Variants in FAAH2 observed in about 807,000 individuals in gnomAD.
The protein encoded by FAAH2 is fatty acid amide hydrolase 2, also known as fatty-acid amide hydrolase 2.
Under a neutral mutation model 36.9 loss-of-function variants are expected in FAAH2, and 60 were observed. The ratio of observed to expected loss-of-function variants is 1.63; its 90% CI spans 1.32 to 2.02. The LOEUF (loss-of-function observed/expected upper bound fraction) is 2.02, where lower values mean the gene tolerates loss of function less well. Among genes scored for constraint, FAAH2 ranks in the 30% most tolerant of loss-of-function variants. FAAH2 has a pLI of 0.00. For synonymous variants in FAAH2, 214 were observed against 143.8 expected (o/e 1.49, Z -3.49); for missense variants, 689 against 397.5 (o/e 1.73, Z -6.23).
At chrX:57,215,079 C>A in the FAAH2 span, among the ~76,000 whole-genome samples, 2 of 101,838 alleles carry the variant, frequency 2.0e-5, no homozygotes, top group Admixed American at 2.2e-4. Context: ...GGTCTAATAT[C>A]CAAAATTTAC....
intron 5 of FAAH2, among the ~76,000 whole-genome samples, chrX:57,377,139 G>A (rs1438815629): frequency 8.9e-6 from 1 of 112,174 alleles, no homozygotes; most frequent in Admixed American, 9.4e-5. Flanking sequence ...TTGCTGTGCA[G>A]AAGCTCTTTA....
At chrX:57,456,935 A>G (rs2056873838) in intron 10 of FAAH2, among the ~76,000 whole-genome samples, 1 of 111,847 alleles carries the variant, frequency 8.9e-6, no homozygotes, top group Non-Finnish European at 1.9e-5. Flanking sequence ...TCCCTAATGC[A>G]TTCTATGAAT....
intron 3 of FAAH2, among the ~76,000 whole-genome samples, chrX:57,311,038 AG>A (rs2052677774): frequency 8.9e-6 from 1 of 112,264 alleles, no homozygotes; most frequent in Non-Finnish European, 1.9e-5. Flanking sequence ...ACCCTAAAGT[AG>A]TTAGGCTAAA....
At chrX:57,161,744 C>G in the FAAH2 span, among the ~76,000 whole-genome samples, 2 of 111,628 alleles carry the variant, frequency 1.8e-5, no homozygotes, top group Non-Finnish European at 3.8e-5. Context: ...TATTTTGAGC[C>G]TATGTGTGTC....
the FAAH2 span, among the ~76,000 whole-genome samples, chrX:57,260,469 G>A: frequency 8.9e-6 from 1 of 112,061 alleles, no homozygotes; most frequent in Non-Finnish European, 1.9e-5. Flanking sequence ...AGAAACGATA[G>A]TAAAATTTTT....
chrX:57,401,715 A>G (rs2055440531), intron 7 of FAAH2, among the ~76,000 whole-genome samples: 1 of 110,829 alleles, frequency 9.0e-6, no homozygotes, highest in African/African-American at 3.3e-5. Context: ...CTTTAGTTTA[A>G]CTTGAACAGG....
chrX:57,146,378 G>T, the FAAH2 span, among the ~76,000 whole-genome samples: 1 of 111,406 alleles, frequency 9.0e-6, no homozygotes. Context: ...GGTCACTGTT[G>T]GTGTATAGCA....
At chrX:57,362,116 A>G (rs776808973) in intron 5 of FAAH2, among the ~76,000 whole-genome samples, 1 of 109,820 alleles carries the variant, frequency 9.1e-6, no homozygotes, top group East Asian at 2.8e-4. Flanking sequence ...ATTTTATTTT[A>G]AGAACAGGGG....
the FAAH2 span, among the ~76,000 whole-genome samples, chrX:57,195,378 C>G: frequency 9.0e-6 from 1 of 111,125 alleles, no homozygotes; most frequent in East Asian, 2.8e-4. Context: ...CATTTTATAG[C>G]ATGTTTGTTG....
At position 57,448,628 on chromosome X, in the gene FAAH2, G is replaced by A. The variant is rs200875647; in HGVS notation, c.1333G>A (p.Asp445Asn). The change falls in exon 10 of 11, where the codon GAT (aspartate) becomes AAT (asparagine). Residue 445 changes from aspartate to asparagine, a missense_variant. Physicochemically the swap from Asp to Asn is conservative, Grantham distance 23. Transcript: ENST00000374900. ...TAAAGAGCTGGTGGATATGCTAGGT[G>A]ATGATGGTGTGTTCTTATATCCCTC... ...LRKELVDMLGDDGVFLYPSHP... is the reference protein window; with the variant it reads ...LRKELVDMLGNDGVFLYPSHP... The A allele has an allele frequency of 5.0e-6, 6 of 1,209,807 alleles. No homozygotes were observed. In the African/African-American group the frequency reaches 1.0e-4, roughly 21 times the overall value.
the FAAH2 span, among the ~76,000 whole-genome samples, chrX:57,129,335 G>A: frequency 1.8e-5 from 2 of 111,550 alleles, no homozygotes; most frequent in Non-Finnish European, 3.8e-5. Context: ...TAATCAACCT[G>A]TATGCAGGAT....
At chrX:57,251,401 A>G in the FAAH2 span, among the ~76,000 whole-genome samples, 1 of 111,876 alleles carries the variant, frequency 8.9e-6, no homozygotes, top group South Asian at 3.8e-4. Context: ...CCTCATACTA[A>G]GTGGTAAAAT....
chrX:57,337,755 C>T (rs983492955), intron 4 of FAAH2, among the ~76,000 whole-genome samples: 1 of 111,745 alleles, frequency 8.9e-6, no homozygotes, highest in Non-Finnish European at 1.9e-5. Context: ...GAACATACCT[C>T]AAAATAATAA....
the FAAH2 span, among the ~76,000 whole-genome samples, chrX:57,205,722 A>C: frequency 8.9e-6 from 1 of 112,477 alleles, no homozygotes; most frequent in East Asian, 2.8e-4. Flanking sequence ...AAATTTAGTT[A>C]TTTTATGGAG....
At position 57,381,023 on chromosome X, in the gene FAAH2, G is replaced by C. The variant is rs199898402; in HGVS notation, c.990G>C (p.Gln330His). 2.6e-6 allele frequency: 3 copies of C among 1,160,446 alleles called. No homozygotes were observed. Among genetic ancestry groups the C allele is most frequent in the East Asian group, 3.0e-5 (1 of 33,195 alleles). Residue 330 changes from glutamine (Q) to histidine (H), a missense_variant, in exon 7 of 11, where the codon CAG becomes CAC. Coordinates refer to ENST00000374900, the MANE Select transcript of FAAH2 (RefSeq NM_174912.4). Reference protein sequence around the residue: ...SKVDQDLIMTQKKVVVHLETI... With the variant: ...SKVDQDLIMTHKKVVVHLETI... ...TGGACCAAGATCTCATTATGACTCA[G>C]AAAAAGGTAATTTTAAATAAAATTT...
intron 8 of FAAH2, among the ~76,000 whole-genome samples, chrX:57,439,084 T>C (rs919845987): frequency 4.5e-5 from 5 of 110,747 alleles, no homozygotes; most frequent in Non-Finnish European, 9.5e-5. Context: ...GTCTTTATAG[T>C]AGCATGATTT....
chrX:57,223,423 C>G, the FAAH2 span, among the ~76,000 whole-genome samples: 1 of 111,879 alleles, frequency 8.9e-6, no homozygotes, highest in African/African-American at 3.3e-5. Context: ...TCCTCACTCT[C>G]AAAGCCTTCC....
At chrX:57,291,526 C>T (rs772707589) in intron 1 of FAAH2, among the ~76,000 whole-genome samples, 1 of 111,828 alleles carries the variant, frequency 8.9e-6, no homozygotes, top group African/African-American at 3.2e-5. Flanking sequence ...AAATTTAATG[C>T]TTTTGCCCTC....
the FAAH2 span, among the ~76,000 whole-genome samples, chrX:57,153,598 A>G: frequency 8.9e-6 from 1 of 112,185 alleles, no homozygotes; most frequent in African/African-American, 3.2e-5. Context: ...TCTAAAAAAC[A>G]CTGTGTCTTT....
Sources: allele counts gnomAD v4.1 joint callset (sites outside exome capture counted in the v4.1 genomes callset), GRCh38; gene constraint gnomAD v4.1.1; transcripts MANE v1.5; gene names NCBI Gene and HGNC (gene_info 2026-07-23, HGNC 2026-07-21).